TBCD: variants seen among roughly 807,000 people sequenced by gnomAD.
TBCD encodes the protein tubulin folding cofactor D.
A neutral mutation model predicts 169.3 loss-of-function variants in TBCD; 105 were observed. The observed-to-expected ratio is 0.62, with a 90% CI of 0.53 to 0.73. The LOEUF is 0.73. TBCD is among the 30% of genes least tolerant of loss of function. TBCD has a pLI of 0.00. For synonymous variants in TBCD, 700 were observed against 643.9 expected, an observed-to-expected ratio of 1.09 and a Z score of -1.32; for missense variants, 1,444 against 1,600.1, an observed-to-expected ratio of 0.90 and a Z score of 1.66.
chr17:82,899,132 T>TGTGTCCTCCGCTA (rs1200073620), intron 17 of TBCD, among the ~76,000 whole-genome samples: 2 of 101,918 alleles, frequency 2.0e-5, no homozygotes, highest in Non-Finnish European at 4.9e-5. Context: ...CCTCAGTGCA[T>TGTGTCCTCCGCTA]GTGTCCTCCG....
At chr17:82,828,056 C>T (rs993314849) in intron 13 of TBCD, among the ~76,000 whole-genome samples, 3 of 150,900 alleles carry the variant, frequency 2.0e-5, no homozygotes, top group African/African-American at 7.3e-5. Flanking sequence ...CATACACCCA[C>T]AGATACGCAC....
rs368393853 is a variant in TBCD at position 82,752,906 on chromosome 17, C to G, written c.184+529C>G. On this transcript the variant is annotated intron_variant, in intron 1 of 38. Coordinates refer to ENST00000355528, the MANE Select transcript of TBCD (RefSeq NM_005993.5). ...GCGCCTCGGGTGGGGAGGGCAGCAG[C>G]CTGTCCGTTCCGTGGACGCCGTGGA... 2.6e-4 allele frequency among the ~76,000 whole-genome samples: 40 copies of G among 152,322 alleles called. No homozygotes were observed. The East Asian group carries it at 4.4e-3, about 17-fold the overall frequency.
In TBCD at chr17:82,890,311, C is replaced by T. The variant is rs9910866; in HGVS notation, c.1563+614C>T. On this transcript the variant is annotated intron_variant, in intron 16 of 38. Coordinates refer to ENST00000355528, the MANE Select transcript of TBCD (RefSeq NM_005993.5). This position sits in a 1 kb window ranked among gnomAD's most constrained non-coding sequence, Gnocchi z 5.3. Reference sequence around the variant, plus strand: ...GTGGGACAGAGGCCGGAGAGGGGACCGGGGTCTGGGCTGGACCTGGGCGGG... The same window carrying T: ...GTGGGACAGAGGCCGGAGAGGGGACTGGGGTCTGGGCTGGACCTGGGCGGG... 0.025 allele frequency among the ~76,000 whole-genome samples: 3,881 copies of T among 152,238 alleles called. 173 individuals are homozygous for T. Among genetic ancestry groups the T allele is most frequent in the African/African-American group, 0.087 (3,604 of 41,518 alleles).
At chr17:82,800,562 C>T (rs1363347455) in intron 8 of TBCD, among the ~76,000 whole-genome samples, 1 of 152,006 alleles carries the variant, frequency 6.6e-6, no homozygotes, top group Non-Finnish European at 1.5e-5. Flanking sequence ...CCTGTGGGGT[C>T]TCCGTGGCTG....
intron 7 of TBCD, among the ~76,000 whole-genome samples, chr17:82,786,791 C>T (rs1020245155): frequency 4.0e-5 from 6 of 150,188 alleles, no homozygotes; most frequent in East Asian, 2.0e-4. Context: ...TCTAGTTCTG[C>T]AGTTTCTTTG....
At chr17:82,760,648 TTACA>T (rs1415630190) in intron 2 of TBCD, among the ~76,000 whole-genome samples, 4 of 152,264 alleles carry the variant, frequency 2.6e-5, no homozygotes, top group African/African-American at 9.6e-5. Flanking sequence ...AGGGATATAA[TTACA>T]TACTATAGAG....
chr17:82,907,528 A>G (rs8070403), intron 20 of TBCD, among the ~76,000 whole-genome samples: 36,444 of 152,172 alleles, frequency 0.24, 4,601 homozygotes, highest in East Asian at 0.46. Flanking sequence ...AAAATAACAA[A>G]AGAATGCAAT....
intron 9 of TBCD, among the ~76,000 whole-genome samples, chr17:82,804,416 T>G (rs960627643): frequency 8.7e-5 from 13 of 150,252 alleles, no homozygotes; most frequent in African/African-American, 3.2e-4. Context: ...AACAGTGCAC[T>G]TTTTCCTCAC....
chr17:82,832,680 G>A lies in TBCD; in HGVS notation c.1318+17746G>A, dbSNP rs2053621470. ...TTGGTGTCAGGACAGCGAGTGAGGGGTCGGCGAGAAGCCGGCCTCGGCTCG... is the reference window on the plus strand; with the variant it reads ...TTGGTGTCAGGACAGCGAGTGAGGGATCGGCGAGAAGCCGGCCTCGGCTCG... On this transcript the variant is annotated intron_variant, in intron 13 of 38. Transcript: ENST00000355528. This position sits in a 1 kb window ranked among gnomAD's most constrained non-coding sequence, Gnocchi z 4.9. 1 of 585,260 alleles carries A rather than the reference G, an allele frequency of 1.7e-6. No homozygotes were observed. The highest frequency in any genetic ancestry group is 1.9e-5 in the African/African-American group (1 of 53,500). 36.3% of individuals were successfully genotyped at this position (585,260 alleles called of 1,614,324 possible). A position where few individuals can be genotyped will look rare whatever the true frequency, so the allele number is the denominator to read the frequency against.
chr17:82,860,326 C>A (rs905625232), intron 13 of TBCD: 2 of 970,840 alleles, frequency 2.1e-6, no homozygotes, highest in Non-Finnish European at 2.4e-6. Context: ...AGCGTCCCCT[C>A]CCCTCTGGTG....
At chr17:82,787,378 G>C (rs897574019) in intron 7 of TBCD, among the ~76,000 whole-genome samples, 9 of 152,376 alleles carry the variant, frequency 5.9e-5, no homozygotes, top group Non-Finnish European at 1.3e-4. Flanking sequence ...GGCAGCTCCT[G>C]GGGCCAGCAC....
chr17:82,800,741 G>A, intron 8 of TBCD, 123 bp from the exon 9 acceptor site: 2 of 1,187,400 alleles, frequency 1.7e-6, no homozygotes, highest in Non-Finnish European at 2.3e-6. Context: ...GATGATGGGG[G>A]TCTTGGTGAT....
rs915886264 is a variant in TBCD at position 82,889,095 on chromosome 17, A to AGG, written c.1534-568_1534-567dup. Among the ~76,000 whole-genome samples the AGG allele has an allele frequency of 6.6e-5, 10 of 152,160 alleles. No homozygotes were observed. Among genetic ancestry groups the AGG allele is most frequent in the African/African-American group, 2.4e-4 (10 of 41,438 alleles). On this transcript the variant is annotated intron_variant, in intron 15 of 38. Transcript: ENST00000355528. The surrounding 1 kb of genome is among the most constrained non-coding windows in gnomAD (Gnocchi z 5.3). ...CTGCTCTGCCTGGTCGGTGCGCCTA[A>AGG]GGGGGGCAGGGTGTTTGGGGAGGAC...
intron 9 of TBCD, among the ~76,000 whole-genome samples, chr17:82,802,228 G>A: frequency 6.6e-6 from 1 of 151,270 alleles, no homozygotes; most frequent in African/African-American, 2.4e-5. Flanking sequence ...GACTTTTCTA[G>A]TGTTCTTAGG....
intron 13 of TBCD, among the ~76,000 whole-genome samples, chr17:82,840,961 T>TTTG: frequency 1.6e-5 from 2 of 128,964 alleles, no homozygotes; most frequent in African/African-American, 6.1e-5. Flanking sequence ...CTGGTTTTTT[T>TTTG]TTTTTTTTTT....
chr17:82,899,091 T>G (rs1472696421), intron 17 of TBCD, among the ~76,000 whole-genome samples: 1 of 152,238 alleles, frequency 6.6e-6, no homozygotes, highest in Non-Finnish European at 1.5e-5. Flanking sequence ...CTCAGCGTAG[T>G]GCGCCTGGGG....
chr17:82,850,961 C>T (rs935304008), intron 13 of TBCD, among the ~76,000 whole-genome samples: 2 of 152,186 alleles, frequency 1.3e-5, no homozygotes, highest in Admixed American at 1.3e-4. Flanking sequence ...TGTGTGTGCA[C>T]ATACAATATT....
intron 23 of TBCD, among the ~76,000 whole-genome samples, chr17:82,917,580 TTCTCCTCTCCCA>T (rs2061138533): frequency 6.6e-6 from 1 of 152,232 alleles, no homozygotes; most frequent in Non-Finnish European, 1.5e-5. Flanking sequence ...GTCTGCAATG[TTCTCCTCTCCCA>T]GAGAGACTTG....
At position 82,870,303 on chromosome 17, in the gene TBCD, C is replaced by T. The variant is rs200223500; in HGVS notation, c.1398C>T (p.Ala466=). ...ACSVGTNVRD[A]ACYVCWAFAR... The stretch of plus-strand genomic sequence containing the variant: ...GCGTGGGCACCAACGTCAGGGACGC[C>T]GCCTGCTACGTGTGCTGGGCCTTCG... Residue 466 remains alanine (A), a synonymous_variant, in exon 14 of 39, where the codon GCC becomes GCT. Transcript: ENST00000355528. 61 of 1,613,548 alleles carry T rather than the reference C, an allele frequency of 3.8e-5. No homozygotes were observed. The East Asian group carries it at 6.0e-4, about 16-fold the overall frequency.
Sources: gnomAD v4.1 joint callset for allele counts (sites outside exome capture counted in the v4.1 genomes callset) on GRCh38, gnomAD v4.1.1 for gene constraint, Gnocchi (gnomAD v3.1) non-coding constraint, MANE v1.5 for transcripts, NCBI Gene and HGNC (gene_info 2026-07-23, HGNC 2026-07-21) for gene names.